PMP2: variants seen among roughly 807,000 people sequenced by gnomAD.
PMP2 encodes the protein myelin P2 protein.
In PMP2, 11 loss-of-function variants were observed where a neutral mutation model predicts 15.9. The ratio of observed to expected loss-of-function variants is 0.69; its 90% confidence interval spans 0.44 to 1.14. The LOEUF (loss-of-function observed/expected upper bound fraction) is 1.14. Among genes scored for constraint, PMP2 ranks in the 50% most tolerant of loss-of-function variants. PMP2 has a pLI of 0.00. For synonymous variants in PMP2, 55 were observed against 54.1 expected (o/e 1.02, Z -0.07); for missense variants, 151 against 154.0 (o/e 0.98, Z 0.10).
At position 81,441,345 on chromosome 8, in the gene PMP2, T is replaced by C. The variant is rs1355655464; in HGVS notation, c.*2053A>G. The C allele has an allele frequency of 6.6e-6, 1 of 152,320 alleles. No individual in the cohort carries two copies. Among genetic ancestry groups the C allele is most frequent in the East Asian group, 1.9e-4 (1 of 5,184 alleles). 9.4% of individuals were successfully genotyped at this position (152,320 alleles called of 1,614,324 possible). ...CTTTAAGCCCAGACTAATACCCTAA[T>C]ATCCTGCTCCTAAGCGAAATTTCCC... On this transcript the variant is annotated 3_prime_UTR_variant, in exon 4 of 4. Transcript: ENST00000256103.
rs1189745208 is a variant in PMP2, at chr8:81,443,381, A to G, written c.*17T>C. ...TCATTAAATGATAAAAAGCCACTTCAATGAAGAAATGATTTTTCAGACCTT... is the reference window on the plus strand; with the variant it reads ...TCATTAAATGATAAAAAGCCACTTCGATGAAGAAATGATTTTTCAGACCTT... On this transcript the variant is annotated 3_prime_UTR_variant, in exon 4 of 4. Coordinates refer to ENST00000256103, the MANE Select transcript of PMP2 (RefSeq NM_002677.5). The G allele has an allele frequency of 6.4e-7, 1 of 1,553,800 alleles. No homozygotes were observed. The highest frequency in any genetic ancestry group is 1.4e-5 in the African/African-American group (1 of 72,816).
At chr8:81,443,677 A>G (rs1431234770) in intron 3 of PMP2, among the ~76,000 whole-genome samples, 1 of 152,166 alleles carries the variant, frequency 6.6e-6, no homozygotes, top group East Asian at 1.9e-4. Flanking sequence ...GCAAGTTTTT[A>G]TGTATAGTTC....
At chr8:81,445,045 A>G in intron 1 of PMP2, 56 bp from the exon 2 acceptor site, 1 of 1,485,992 alleles carries the variant, frequency 6.7e-7, no homozygotes, top group Non-Finnish European at 9.3e-7. Flanking sequence ...AGCCAAAGAG[A>G]CTGTGGTGGC....
chr8:81,447,430 A>G lies in PMP2; in HGVS notation c.-44T>C. Reference sequence around the variant, plus strand: ...AACACAGTTCTAAGTGGGATTCAGAAGACTCAGATAAAATGCTGAGGCCTC... The same window carrying G: ...AACACAGTTCTAAGTGGGATTCAGAGGACTCAGATAAAATGCTGAGGCCTC... On this transcript the variant is annotated 5_prime_UTR_variant, in exon 1 of 4. Transcript: ENST00000256103. The G allele has an allele frequency of 1.3e-6, 2 of 1,497,666 alleles. No homozygotes were observed. The highest frequency in any genetic ancestry group is 1.9e-6 in the Non-Finnish European group (2 of 1,074,096). The allele number at this position is 1,497,666 out of a possible 1,614,324, so 92.8% of individuals were successfully genotyped here. A position where few individuals can be genotyped will look rare whatever the true frequency, so the allele number is the denominator to read the frequency against.
Position 81,447,298 on chromosome 8 carries a change from A to C in PMP2, c.73+16T>G, listed in dbSNP as rs1807463632. 6.3e-7 allele frequency: 1 copy of C among 1,599,380 alleles called. No individual in the cohort carries two copies. Among genetic ancestry groups the C allele is most frequent in the African/African-American group, 1.3e-5 (1 of 74,802 alleles). ...AAAAGGAGCTTTTCAGCAGAACAAC[A>C]AAAAGCATTTCTTACCCAGAGCTTT... is the stretch of plus-strand genomic sequence containing the variant. On this transcript the variant is annotated intron_variant, in intron 1 of 3. Coordinates refer to ENST00000256103, the MANE Select transcript of PMP2 (RefSeq NM_002677.5).
Position 81,441,282 on chromosome 8 carries a change from TC to T in PMP2, c.*2115del, listed in dbSNP as rs1807328095. 1 of 152,134 alleles carries T rather than the reference TC, an allele frequency of 6.6e-6. No individual in the cohort carries two copies. The highest frequency in any genetic ancestry group is 1.5e-5 in the Non-Finnish European group (1 of 68,000). The allele number at this position is 152,134 out of a possible 1,614,324, so 9.4% of individuals were successfully genotyped here. A position where few individuals can be genotyped will look rare whatever the true frequency, so the allele number is the denominator to read the frequency against. The stretch of plus-strand genomic sequence containing the variant: ...TTTTTTTCCATTGCATGGTTACTAT[TC>T]TTTCCCCAGAAACTAACAACAATCT... On this transcript the variant is annotated 3_prime_UTR_variant, in exon 4 of 4. Coordinates refer to ENST00000256103, the MANE Select transcript of PMP2 (RefSeq NM_002677.5).
intron 3 of PMP2, 118 bp from the exon 4 acceptor site, chr8:81,443,566 A>G (rs1460099663): frequency 9.7e-6 from 6 of 615,432 alleles, no homozygotes; most frequent in African/African-American, 3.8e-5. Context: ...GGAATAAAAT[A>G]TCAGTATGTC....
chr8:81,444,776 A>C lies in PMP2; in HGVS notation c.246+41T>G, dbSNP rs201541264. The C allele has an allele frequency of 7.5e-4, 1,179 of 1,573,662 alleles. 8 individuals are homozygous for C. In the African/African-American group the frequency reaches 0.014, roughly 19 times the overall value. On this transcript the variant is annotated intron_variant, in intron 2 of 3. Coordinates refer to ENST00000256103, the MANE Select transcript of PMP2 (RefSeq NM_002677.5). ...GCAGGAATATTCCTCTCTCTCAAGCAGCCCACTGGGCCAACTTTGAAGAGA... is the reference window on the plus strand; with the variant it reads ...GCAGGAATATTCCTCTCTCTCAAGCCGCCCACTGGGCCAACTTTGAAGAGA...
Position 81,442,905 on chromosome 8 carries a change from A to C in PMP2, c.*493T>G, listed in dbSNP as rs1216989742. On this transcript the variant is annotated 3_prime_UTR_variant, in exon 4 of 4. Transcript: ENST00000256103. ...TCTATAAATTATCCATTAATTTTAAAATGTTGGCTGGAGTAGAGGCTACCC... is the reference window on the plus strand; with the variant it reads ...TCTATAAATTATCCATTAATTTTAACATGTTGGCTGGAGTAGAGGCTACCC... 6.6e-6 allele frequency: 1 copy of C among 152,110 alleles called. No individual in the cohort carries two copies. The highest frequency in any genetic ancestry group is 2.4e-5 in the African/African-American group (1 of 41,412). The allele number at this position is 152,110 out of a possible 1,614,324, so 9.4% of individuals were successfully genotyped here.
Position 81,443,425 on chromosome 8 carries a change from C to T in PMP2, c.372G>A (p.Val124=). ...MVAECKMKGV[V]CTRIYEKV is the part of the protein sequence containing the mutation. ...AGACCTTCTCATAGATTCTGGTGCACACCACGCCCTTCATTTTACATTCCT... is the reference window on the plus strand; with the variant it reads ...AGACCTTCTCATAGATTCTGGTGCATACCACGCCCTTCATTTTACATTCCT... Residue 124 remains valine, a synonymous_variant, in exon 4 of 4, where the codon GTG becomes GTA. Coordinates refer to ENST00000256103, the MANE Select transcript of PMP2 (RefSeq NM_002677.5). 1.9e-6 allele frequency: 3 copies of T among 1,601,314 alleles called. No homozygotes were observed. Among genetic ancestry groups the T allele is most frequent in the Admixed American group, 1.7e-5 (1 of 58,582 alleles).
rs1807387395 is a variant in PMP2, at chr8:81,443,348, G to A, written c.*50C>T. The stretch of plus-strand genomic sequence containing the variant: ...TTCAGTTTTGTCAATGGAAGCAATT[G>A]ATTTCCATCATTAAATGATAAAAAG... On this transcript the variant is annotated 3_prime_UTR_variant, in exon 4 of 4. Coordinates refer to ENST00000256103, the MANE Select transcript of PMP2 (RefSeq NM_002677.5). 5.5e-6 allele frequency: 7 copies of A among 1,269,798 alleles called. No homozygotes were observed. The East Asian group carries it at 1.6e-4, about 30-fold the overall frequency. 78.7% of individuals were successfully genotyped at this position (1,269,798 alleles called of 1,614,324 possible).
intron 3 of PMP2, 22 bp downstream of exon 3, chr8:81,444,478 T>C: frequency 1.4e-6 from 2 of 1,395,796 alleles, no homozygotes; most frequent in Admixed American, 1.7e-5. Context: ...ATTTCTCTAT[T>C]TAGAAGTAAA....
At chr8:81,444,377 T>C in intron 3 of PMP2, 123 bp downstream of exon 3, 1 of 629,950 alleles carries the variant, frequency 1.6e-6, no homozygotes. Context: ...GCATTAACTC[T>C]TACTTTATTC....
chr8:81,445,691 T>C (rs1437893171), intron 1 of PMP2, among the ~76,000 whole-genome samples: 1 of 152,212 alleles, frequency 6.6e-6, no homozygotes, highest in Admixed American at 6.5e-5. Context: ...AGATATATTT[T>C]AAAGATGAGA....
At position 81,443,323 on chromosome 8, in the gene PMP2, T is replaced by C. The variant is rs1171371467; in HGVS notation, c.*75A>G. 5.9e-5 allele frequency: 57 copies of C among 963,674 alleles called. No individual in the cohort carries two copies. Among genetic ancestry groups the C allele is most frequent in the Non-Finnish European group, 9.0e-5 (55 of 611,894 alleles). 59.7% of individuals were successfully genotyped at this position (963,674 alleles called of 1,614,324 possible). Reference sequence around the variant, plus strand: ...AGCAAAAACAAATATTTGCAGTGTATTCAGTTTTGTCAATGGAAGCAATTG... The same window carrying C: ...AGCAAAAACAAATATTTGCAGTGTACTCAGTTTTGTCAATGGAAGCAATTG... On this transcript the variant is annotated 3_prime_UTR_variant, in exon 4 of 4. Coordinates refer to ENST00000256103, the MANE Select transcript of PMP2 (RefSeq NM_002677.5).
At position 81,440,389 on chromosome 8, in the gene PMP2, C is replaced by G. The variant is rs578235177; in HGVS notation, c.*3009G>C. 1.8e-4 allele frequency: 28 copies of G among 152,090 alleles called. No individual in the cohort carries two copies. The highest frequency in any genetic ancestry group is 7.2e-4 in the Admixed American group (11 of 15,250). 9.4% of individuals were successfully genotyped at this position (152,090 alleles called of 1,614,324 possible). A position where few individuals can be genotyped will look rare whatever the true frequency, so the allele number is the denominator to read the frequency against. ...AATTTTATAACAAGTTGTATTATCA[C>G]AAATCTCTAAAAATAACAACGCAGT... is the stretch of plus-strand genomic sequence containing the variant. On this transcript the variant is annotated 3_prime_UTR_variant, in exon 4 of 4. Transcript: ENST00000256103.
rs1394861266 is a variant in PMP2, at chr8:81,441,477, C to G, written c.*1921G>C. On this transcript the variant is annotated 3_prime_UTR_variant, in exon 4 of 4. Transcript: ENST00000256103. ...GAACTCCTTCCACTCACATTTAACACTGGTCCATGACGTTCTATTGCAAAA... is the reference window on the plus strand; with the variant it reads ...GAACTCCTTCCACTCACATTTAACAGTGGTCCATGACGTTCTATTGCAAAA... 6.6e-6 allele frequency: 1 copy of G among 152,098 alleles called. No individual in the cohort carries two copies. Among genetic ancestry groups the G allele is most frequent in the East Asian group, 1.9e-4 (1 of 5,194 alleles). The allele number at this position is 152,098 out of a possible 1,614,324, so 9.4% of individuals were successfully genotyped here.
intron 1 of PMP2, among the ~76,000 whole-genome samples, chr8:81,445,493 G>A (rs1807433391): frequency 6.6e-6 from 1 of 152,136 alleles, no homozygotes; most frequent in African/African-American, 2.4e-5. Flanking sequence ...AAAGTGCTGG[G>A]ATTACAGGCG....
chr8:81,444,734 T>C, intron 2 of PMP2, 83 bp downstream of exon 2: 1 of 1,410,952 alleles, frequency 7.1e-7, no homozygotes. Context: ...CAGAATTGAG[T>C]CTACCCTTTT....
Sources: allele counts gnomAD v4.1 joint callset (sites outside exome capture counted in the v4.1 genomes callset), GRCh38; gene constraint gnomAD v4.1.1; transcripts MANE v1.5; gene names NCBI Gene and HGNC (gene_info 2026-07-23, HGNC 2026-07-21).